Variants in VGLL4 observed in about 807,000 individuals in gnomAD.
VGLL4 encodes the protein transcription cofactor vestigial-like protein 4.
Under a neutral mutation model 21.0 loss-of-function variants are expected in VGLL4, and 7 were observed. The observed-to-expected ratio is 0.33, with a 90% CI of 0.19 to 0.63. The LOEUF is 0.63. VGLL4 is among the 20% of genes least tolerant of loss of function. The probability of loss-of-function intolerance (pLI) is 0.78; values close to 1 mark genes in which losing one functional copy is unlikely to be tolerated. For synonymous variants in VGLL4, 222 were observed against 173.2 expected (o/e 1.28, Z -2.21); for missense variants, 394 against 425.7 (o/e 0.93, Z 0.66).
At position 11,557,569 on chromosome 3, in the gene VGLL4, A is replaced by G. The variant is rs1250589922; in HGVS notation, c.*987T>C. On this transcript the variant is annotated 3_prime_UTR_variant, in exon 5 of 5. Transcript: ENST00000430365. ...CTGGCCTCCCGCACTACTTGTGAGT[A>G]AAGTGAATATCAAATACCAATCTTA... 2 of 152,614 alleles carry G rather than the reference A, an allele frequency of 1.3e-5. No individual in the cohort carries two copies. The highest frequency in any genetic ancestry group is 2.9e-5 in the Non-Finnish European group (2 of 68,046). The allele number at this position is 152,614 out of a possible 1,614,324, so 9.5% of individuals were successfully genotyped here. A position where few individuals can be genotyped will look rare whatever the true frequency, so the allele number is the denominator to read the frequency against.
intron 1 of VGLL4, chr3:11,611,630 C>A (rs1419212452): frequency 6.6e-6 from 1 of 152,262 alleles, no homozygotes; most frequent in Admixed American, 6.5e-5. Context: ...TCTGACCTAA[C>A]ATAGTGGGAC....
chr3:11,688,709 C>T (rs2076484681), intron 2 of VGLL4, among the ~76,000 whole-genome samples: 1 of 152,108 alleles, frequency 6.6e-6, no homozygotes, highest in Non-Finnish European at 1.5e-5. Flanking sequence ...GGTTTATTGG[C>T]TTATCTTCAT....
chr3:11,570,481 C>T (rs980297642), intron 2 of VGLL4, among the ~76,000 whole-genome samples: 3 of 152,180 alleles, frequency 2.0e-5, no homozygotes, highest in Non-Finnish European at 1.5e-5. Context: ...CGTGCACTCC[C>T]GGGAAGGCTG....
chr3:11,634,186 C>T (rs1032112040), intron 1 of VGLL4, among the ~76,000 whole-genome samples: 7 of 152,164 alleles, frequency 4.6e-5, no homozygotes, highest in Non-Finnish European at 8.8e-5. Flanking sequence ...TTAAACTCAA[C>T]GCAGCCGAAG....
At chr3:11,683,732 T>C (rs1167205366) in intron 2 of VGLL4, among the ~76,000 whole-genome samples, 1 of 151,868 alleles carries the variant, frequency 6.6e-6, no homozygotes, top group African/African-American at 2.4e-5. Context: ...AGGCAGAGTT[T>C]GCAGTGAGCC....
chr3:11,560,690 G>A (rs960958681), intron 3 of VGLL4, among the ~76,000 whole-genome samples: 8 of 152,140 alleles, frequency 5.3e-5, no homozygotes, highest in Admixed American at 3.9e-4. Flanking sequence ...GCCAGGGTAG[G>A]GGGGGATGTG....
At chr3:11,570,730 A>G (rs1161839770) in intron 2 of VGLL4, among the ~76,000 whole-genome samples, 1 of 152,190 alleles carries the variant, frequency 6.6e-6, no homozygotes, top group Non-Finnish European at 1.5e-5. Flanking sequence ...TGTTGGGCAT[A>G]AACAGTGGTG....
At position 11,653,716 on chromosome 3, in the gene VGLL4, T is replaced by C. The variant is rs1224799388; in HGVS notation, c.64+49255A>G. Among the ~76,000 whole-genome samples, 2 of 152,228 alleles carry C rather than the reference T, an allele frequency of 1.3e-5. No individual in the cohort carries two copies. Among genetic ancestry groups the C allele is most frequent in the African/African-American group, 4.8e-5 (2 of 41,466 alleles). On this transcript the variant is annotated intron_variant, in intron 2 of 5. Transcript: ENST00000273038. This position sits in a 1 kb window ranked among gnomAD's most constrained non-coding sequence, Gnocchi z 4.2. Reference sequence around the variant, plus strand: ...TTGCCAAATAGTTTTCCACAGCAGTTGTACCCGTTTATACTCCTACCAGCA... The same window carrying C: ...TTGCCAAATAGTTTTCCACAGCAGTCGTACCCGTTTATACTCCTACCAGCA...
At chr3:11,705,983 G>T (rs1299580269) in intron 1 of VGLL4, among the ~76,000 whole-genome samples, 1 of 151,618 alleles carries the variant, frequency 6.6e-6, no homozygotes, top group Admixed American at 6.6e-5. Flanking sequence ...ATCCTACTTT[G>T]CAATAATACA....
chr3:11,680,376 A>C (rs563127013), intron 2 of VGLL4, among the ~76,000 whole-genome samples: 191 of 152,280 alleles, frequency 1.3e-3, no homozygotes, highest in Non-Finnish European at 2.4e-3. Context: ...CCAAATTTAC[A>C]TCTACTCAGA....
rs994911384 is a variant in VGLL4, at chr3:11,719,487, G to C, written c.-14+907C>G. Reference sequence around the variant, plus strand: ...GCGGGGGACCCAGGGGCGGGGACGGGACCTGGGCACGCGGGGCGCACCCCG... The same window carrying C: ...GCGGGGGACCCAGGGGCGGGGACGGCACCTGGGCACGCGGGGCGCACCCCG... On this transcript the variant is annotated intron_variant, in intron 1 of 5. Coordinates refer to the VGLL4 transcript ENST00000273038. This position sits in a 1 kb window ranked among gnomAD's most constrained non-coding sequence, Gnocchi z 4.0. The C allele has an allele frequency of 2.6e-5, 4 of 151,272 alleles. No homozygotes were observed. Among genetic ancestry groups the C allele is most frequent in the African/African-American group, 9.7e-5 (4 of 41,334 alleles). The allele number at this position is 151,272 out of a possible 1,614,324, so 9.4% of individuals were successfully genotyped here.
chr3:11,663,487 G>C (rs2076065073), intron 2 of VGLL4, among the ~76,000 whole-genome samples: 1 of 152,240 alleles, frequency 6.6e-6, no homozygotes. Flanking sequence ...GGGAGGCCGA[G>C]GCAGGCAAAT....
intron 3 of VGLL4, among the ~76,000 whole-genome samples, chr3:11,562,901 C>T (rs917760167): frequency 2.0e-5 from 3 of 152,242 alleles, no homozygotes; most frequent in African/African-American, 7.2e-5. Flanking sequence ...CCTAGGAAAG[C>T]TGCTCAGGAG....
chr3:11,561,915 T>TTTTG (rs1553719588), intron 3 of VGLL4, among the ~76,000 whole-genome samples: 1 of 149,754 alleles, frequency 6.7e-6, no homozygotes, highest in Non-Finnish European at 1.5e-5. Flanking sequence ...TTTTTTTTTT[T>TTTTG]TAAAGACAAA....
chr3:11,635,102 C>A (rs2125321853), intron 1 of VGLL4, among the ~76,000 whole-genome samples: 1 of 152,244 alleles, frequency 6.6e-6, no homozygotes. Flanking sequence ...CATTTAGTGA[C>A]CGTGTCTGGA....
chr3:11,708,454 T>TG (rs1260084893), intron 1 of VGLL4, among the ~76,000 whole-genome samples: 3 of 152,028 alleles, frequency 2.0e-5, no homozygotes, highest in Non-Finnish European at 4.4e-5. Context: ...GCAGGTGATG[T>TG]GGGGGGCGGC....
At chr3:11,576,232 G>A (rs1191138071) in intron 2 of VGLL4, among the ~76,000 whole-genome samples, 1 of 152,196 alleles carries the variant, frequency 6.6e-6, no homozygotes, top group Non-Finnish European at 1.5e-5. Flanking sequence ...TTCAGATGGG[G>A]CAGGAATCCA....
intron 1 of VGLL4, among the ~76,000 whole-genome samples, chr3:11,606,611 A>AC (rs369733866): frequency 6.6e-6 from 1 of 152,274 alleles, no homozygotes; most frequent in East Asian, 1.9e-4. Context: ...TGTAAAATGC[A>AC]CCCAATCAGT....
chr3:11,593,248 C>A (rs146972050), intron 2 of VGLL4, among the ~76,000 whole-genome samples: 1 of 152,332 alleles, frequency 6.6e-6, no homozygotes, highest in African/African-American at 2.4e-5. Flanking sequence ...GAAGCAACAG[C>A]TGCCAAAGAG....
Sources: allele counts gnomAD v4.1 joint callset (sites outside exome capture counted in the v4.1 genomes callset), GRCh38; gene constraint gnomAD v4.1.1; non-coding constraint Gnocchi (gnomAD v3.1); transcripts MANE v1.5; gene names NCBI Gene and HGNC (gene_info 2026-07-23, HGNC 2026-07-21).